Variants in NOVA1 observed in about 807,000 individuals in gnomAD.
The protein encoded by NOVA1 is NOVA alternative splicing regulator 1, also known as RNA-binding protein Nova-1.
NOVA1 carries 7 observed loss-of-function variants against 38.0 expected under a neutral mutation model. That is an observed-to-expected ratio of 0.18 (90% CI 0.10 to 0.35). The LOEUF is 0.35. NOVA1 is among the 10% of genes least tolerant of loss of function. The pLI, the probability that NOVA1 is intolerant of heterozygous loss-of-function variation, is 1.00. For missense variants in NOVA1, 460 were observed against 616.0 expected, an observed-to-expected ratio of 0.75 and a Z score of 2.68; for synonymous variants, 270 against 232.5, an observed-to-expected ratio of 1.16 and a Z score of -1.47.
chr14:26,456,653 C>G (rs1883203661), intron 4 of NOVA1, among the ~76,000 whole-genome samples: 1 of 151,778 alleles, frequency 6.6e-6, no homozygotes, highest in Non-Finnish European at 1.5e-5. Context: ...TTGTCTTTTG[C>G]AAATCATATT....
intron 2 of NOVA1, among the ~76,000 whole-genome samples, chr14:26,572,572 G>C (rs1344644752): frequency 6.6e-6 from 1 of 152,070 alleles, no homozygotes; most frequent in Non-Finnish European, 1.5e-5. Flanking sequence ...ATAGTCTAGT[G>C]AGCTAGAAAA....
At chr14:26,480,450 G>C (rs767295313) in intron 2 of NOVA1, among the ~76,000 whole-genome samples, 3 of 152,040 alleles carry the variant, frequency 2.0e-5, no homozygotes, top group African/African-American at 4.8e-5. Context: ...AAAGAACTTA[G>C]GGTTAGAAAC....
At chr14:26,570,306 C>T (rs573226833) in intron 2 of NOVA1, among the ~76,000 whole-genome samples, 82 of 152,012 alleles carry the variant, frequency 5.4e-4, no homozygotes, top group African/African-American at 1.9e-3. Context: ...ATGATCGCGC[C>T]ACTGCACTCC....
chr14:26,537,551 G>C (rs1890190490), intron 2 of NOVA1, among the ~76,000 whole-genome samples: 1 of 152,010 alleles, frequency 6.6e-6, no homozygotes, highest in Non-Finnish European at 1.5e-5. Context: ...TTGGCAAAAA[G>C]GGAAAGAACA....
chr14:26,595,464 G>T lies in NOVA1; in HGVS notation c.226C>A (p.Gln76Lys). ...GKGGQTIVQLQKETGATIKLS... is the reference protein window; with the variant it reads ...GKGGQTIVQLKKETGATIKLS... The stretch of plus-strand genomic sequence containing the variant: ...TTGATGGTGGCTCCAGTTTCTTTTT[G>T]CAACTGAACAATTGTCTGTCCTCCC... The change falls in exon 2 of 5, where the codon CAA becomes AAA. Residue 76 changes from glutamine to lysine, a missense_variant. Transcript: ENST00000539517. 1 of 1,613,788 alleles carries T rather than the reference G, an allele frequency of 6.2e-7. No homozygotes were observed. The highest frequency in any genetic ancestry group is 8.5e-7 in the Non-Finnish European group (1 of 1,179,822).
chr14:26,529,419 T>C (rs1435911365), intron 2 of NOVA1, among the ~76,000 whole-genome samples: 2 of 152,178 alleles, frequency 1.3e-5, no homozygotes, highest in African/African-American at 2.4e-5. Flanking sequence ...ATTACAGGCA[T>C]GAGTCACCAC....
At chr14:26,482,008 A>AAC (rs1885509424) in intron 2 of NOVA1, among the ~76,000 whole-genome samples, 1 of 109,602 alleles carries the variant, frequency 9.1e-6, no homozygotes, top group Admixed American at 1.0e-4. Context: ...AAAAAAAAAA[A>AAC]AAAAAACATG....
chr14:26,515,914 G>A (rs184001465), intron 2 of NOVA1, among the ~76,000 whole-genome samples: 142 of 152,132 alleles, frequency 9.3e-4, no homozygotes, highest in Admixed American at 7.2e-3. Context: ...AAAATCATAA[G>A]TGTATATCTT....
At chr14:26,564,559 G>A (rs1443204261) in intron 2 of NOVA1, among the ~76,000 whole-genome samples, 1 of 152,108 alleles carries the variant, frequency 6.6e-6, no homozygotes, top group African/African-American at 2.4e-5. Flanking sequence ...ACTGTTAAAG[G>A]TTTTACATAC....
chr14:26,521,284 C>T (rs966799717), intron 2 of NOVA1, among the ~76,000 whole-genome samples: 1 of 151,924 alleles, frequency 6.6e-6, no homozygotes, highest in Non-Finnish European at 1.5e-5. Flanking sequence ...GTTTACTGGA[C>T]ATATTACTCT....
intron 4 of NOVA1, among the ~76,000 whole-genome samples, chr14:26,454,761 T>C (rs545275132): frequency 6.6e-6 from 1 of 152,308 alleles, no homozygotes; most frequent in South Asian, 2.1e-4. Flanking sequence ...AGTCAAGATA[T>C]CATAGTTCTG....
intron 2 of NOVA1, among the ~76,000 whole-genome samples, chr14:26,565,009 A>G (rs1892047899): frequency 6.6e-6 from 1 of 152,202 alleles, no homozygotes; most frequent in African/African-American, 2.4e-5. Flanking sequence ...GATGAGCAGT[A>G]ATGACTCTGT....
intron 4 of NOVA1, among the ~76,000 whole-genome samples, chr14:26,457,811 T>C (rs577508078): frequency 6.6e-6 from 1 of 152,222 alleles, no homozygotes; most frequent in Non-Finnish European, 1.5e-5. Flanking sequence ...TCCATGTGTA[T>C]TAGTGCCCCC....
Position 26,493,797 on chromosome 14 carries a change from G to A in NOVA1, c.281-13654C>T, listed in dbSNP as rs907022698. Among the ~76,000 whole-genome samples the A allele has an allele frequency of 3.3e-5, 5 of 151,890 alleles. No individual in the cohort carries two copies. In the East Asian group the frequency reaches 9.7e-4, roughly 29 times the overall value. On this transcript the variant is annotated intron_variant, in intron 2 of 4. Coordinates refer to ENST00000539517, the MANE Select transcript of NOVA1 (RefSeq NM_002515.3). ...ATCTCCTGCCCCTACTCATTAATCTGCCCCCTGTGAACAAGTTCTTGGGTA... is the reference window on the plus strand; with the variant it reads ...ATCTCCTGCCCCTACTCATTAATCTACCCCCTGTGAACAAGTTCTTGGGTA...
intron 2 of NOVA1, among the ~76,000 whole-genome samples, chr14:26,485,765 AC>A (rs1197896416): frequency 6.6e-6 from 1 of 152,126 alleles, no homozygotes; most frequent in Non-Finnish European, 1.5e-5. Flanking sequence ...TGGAAATATA[AC>A]TCAGTATCTT....
intron 2 of NOVA1, among the ~76,000 whole-genome samples, chr14:26,585,426 A>T (rs2138786450): frequency 1.3e-5 from 2 of 151,372 alleles, no homozygotes; most frequent in East Asian, 3.9e-4. Context: ...AACCTCCCCC[A>T]ACAAAGTCAC....
intron 4 of NOVA1, chr14:26,470,188 G>C: frequency 7.5e-6 from 7 of 934,884 alleles, no homozygotes; most frequent in Non-Finnish European, 9.7e-6. Flanking sequence ...ATTACAATTA[G>C]CTTAAGATGA....
chr14:26,527,177 G>A (rs1889368305), intron 2 of NOVA1, among the ~76,000 whole-genome samples: 1 of 99,178 alleles, frequency 1.0e-5, no homozygotes, highest in South Asian at 2.8e-4. Context: ...CACCCCCAAA[G>A]TCTGTTATAT....
intron 2 of NOVA1, among the ~76,000 whole-genome samples, chr14:26,578,640 A>C (rs2138755134): frequency 6.6e-6 from 1 of 152,328 alleles, no homozygotes; most frequent in Non-Finnish European, 1.5e-5. Context: ...GAAATAGAAA[A>C]TAAGATCATC....
Sources: allele counts gnomAD v4.1 joint callset (sites outside exome capture counted in the v4.1 genomes callset), GRCh38; gene constraint gnomAD v4.1.1; transcripts MANE v1.5; gene names NCBI Gene and HGNC (gene_info 2026-07-23, HGNC 2026-07-21).